Variants in DHRSX observed in about 807,000 individuals in gnomAD.
DHRSX encodes polyprenol dehydrogenase.
A neutral mutation model predicts 34.0 loss-of-function variants in DHRSX; 31 were observed. The ratio of observed to expected loss-of-function variants is 0.91; its 90% CI spans 0.69 to 1.23. The LOEUF (loss-of-function observed/expected upper bound fraction) is 1.23. Ranked by LOEUF, DHRSX falls within the 50% of genes most tolerant of loss-of-function variation. The probability of loss-of-function intolerance (pLI) is 0.00; values close to 1 mark genes in which losing one functional copy is unlikely to be tolerated. For missense variants in DHRSX, 414 were observed against 428.1 expected (o/e 0.97, Z 0.29); for synonymous variants, 201 against 183.8 (o/e 1.09, Z -0.76).
intron 3 of DHRSX, among the ~76,000 whole-genome samples, chrX:2,346,796 C>G (rs1221860437): frequency 4.6e-5 from 7 of 152,154 alleles, no homozygotes; most frequent in Non-Finnish European, 8.8e-5. Flanking sequence ...CTATCCCTCC[C>G]CCAGTCCCCT....
At chrX:2,239,768 C>CA (rs747846678) in intron 6 of DHRSX, among the ~76,000 whole-genome samples, 66 of 150,568 alleles carry the variant, frequency 4.4e-4, no homozygotes, top group African/African-American at 1.5e-3. Flanking sequence ...GACTCAGTCT[C>CA]AAAAAAAATA....
intron 5 of DHRSX, among the ~76,000 whole-genome samples, chrX:2,263,361 T>G (rs1187299600): frequency 2.6e-5 from 4 of 152,032 alleles, no homozygotes; most frequent in Non-Finnish European, 5.9e-5. Context: ...TTCCACTGCT[T>G]GATGACACAG....
At position 2,389,893 on chromosome X, in the gene DHRSX, G is replaced by A. The variant is rs1002935828; in HGVS notation, c.286+18852C>T. ...CCTCCGGGGATCAAGTGATTCTGCT[G>A]CCTCAGCCTCCCGAGGAGCTGGGAT... On this transcript the variant is annotated intron_variant, in intron 3 of 6. Coordinates refer to ENST00000334651, the MANE Select transcript of DHRSX (RefSeq NM_145177.3). 1.6e-4 allele frequency among the ~76,000 whole-genome samples: 24 copies of A among 152,256 alleles called. No homozygotes were observed. The South Asian group carries it at 2.9e-3, about 18-fold the overall frequency.
At chrX:2,407,625 T>C (rs765328250) in intron 3 of DHRSX, among the ~76,000 whole-genome samples, 1 of 152,164 alleles carries the variant, frequency 6.6e-6, no homozygotes, top group Non-Finnish European at 1.5e-5. Flanking sequence ...TTCGGGAGCA[T>C]TTGCAAAACC....
intron 1 of DHRSX, among the ~76,000 whole-genome samples, chrX:2,455,897 C>T (rs1282280380): frequency 2.6e-5 from 4 of 152,048 alleles, no homozygotes; most frequent in African/African-American, 4.8e-5. Flanking sequence ...ACGACACCAA[C>T]GTTGAGTGTC....
intron 3 of DHRSX, among the ~76,000 whole-genome samples, chrX:2,332,861 C>T (rs1452473670): frequency 6.6e-6 from 1 of 152,152 alleles, no homozygotes; most frequent in Non-Finnish European, 1.5e-5. Context: ...TCCTGGTCAT[C>T]GTTGTCTAAC....
At chrX:2,282,766 A>AAGAGGGAGAGAGGGAAGGAAGG (rs2041734007) in intron 4 of DHRSX, among the ~76,000 whole-genome samples, 2 of 89,384 alleles carry the variant, frequency 2.2e-5, no homozygotes, top group Non-Finnish European at 4.4e-5. Flanking sequence ...AGAGGGGAGA[A>AAGAGGGAGAGAGGGAAGGAAGG]AGCGAGGGAG....
At chrX:2,431,513 C>T (rs1334912884) in intron 1 of DHRSX, among the ~76,000 whole-genome samples, 2 of 152,046 alleles carry the variant, frequency 1.3e-5, no homozygotes, top group Non-Finnish European at 2.9e-5. Flanking sequence ...ATTGCTGGCT[C>T]AAATGTTAAT....
intron 3 of DHRSX, among the ~76,000 whole-genome samples, chrX:2,367,435 CAAAAAAA>C (rs758111982): frequency 1.3e-5 from 1 of 76,426 alleles, no homozygotes; most frequent in Admixed American, 1.6e-4. Flanking sequence ...AAGACTGTCT[CAAAAAAA>C]AAAAGAAAAA....
chrX:2,321,860 A>C (rs1228754740), intron 3 of DHRSX, among the ~76,000 whole-genome samples: 1 of 152,118 alleles, frequency 6.6e-6, no homozygotes, highest in African/African-American at 2.4e-5. Context: ...AGGCTACTCA[A>C]GGTGAAGACG....
intron 1 of DHRSX, among the ~76,000 whole-genome samples, chrX:2,465,387 C>T (rs1389499403): frequency 6.6e-6 from 1 of 152,124 alleles, no homozygotes; most frequent in African/African-American, 2.4e-5. Context: ...TCTCCCCATC[C>T]CTCCTCAATC....
intron 3 of DHRSX, among the ~76,000 whole-genome samples, chrX:2,320,964 G>C (rs763014493): frequency 1.3e-5 from 2 of 152,154 alleles, no homozygotes; most frequent in African/African-American, 4.8e-5. Context: ...CAGAGTGTTC[G>C]CAACATCCGG....
intron 3 of DHRSX, among the ~76,000 whole-genome samples, chrX:2,314,186 A>G (rs2124521476): frequency 1.1e-5 from 1 of 92,962 alleles, no homozygotes. Flanking sequence ...GGAAGGAAGG[A>G]GGGAAGGAGG....
intron 3 of DHRSX, among the ~76,000 whole-genome samples, chrX:2,331,317 A>C (rs1244132828): frequency 6.6e-6 from 1 of 151,940 alleles, no homozygotes; most frequent in Non-Finnish European, 1.5e-5. Flanking sequence ...GTCATTCATG[A>C]ATATTGGAAT....
At chrX:2,313,336 C>T (rs746106692) in intron 3 of DHRSX, among the ~76,000 whole-genome samples, 33 of 151,662 alleles carry the variant, frequency 2.2e-4, no homozygotes, top group East Asian at 3.9e-4. Flanking sequence ...GCCAAACCAA[C>T]GTATAGCTTC....
intron 5 of DHRSX, among the ~76,000 whole-genome samples, chrX:2,262,212 G>A (rs1374488156): frequency 6.6e-6 from 1 of 152,328 alleles, no homozygotes; most frequent in East Asian, 1.9e-4. Flanking sequence ...CGAGGCAGGA[G>A]GCCTACACAA....
chrX:2,396,511 G>A (rs1193271033), intron 3 of DHRSX, among the ~76,000 whole-genome samples: 7 of 150,726 alleles, frequency 4.6e-5, no homozygotes, highest in African/African-American at 1.5e-4. Context: ...CCGAGGAGCT[G>A]GGATGACAGG....
chrX:2,419,980 A>T lies in DHRSX; in HGVS notation c.217+5217T>A, dbSNP rs182480654. Among the ~76,000 whole-genome samples, 1,378 of 151,840 alleles carry T rather than the reference A, an allele frequency of 9.1e-3. 20 individuals are homozygous for T. The highest frequency in any genetic ancestry group is 0.03 in the African/African-American group (1,254 of 41,404). Reference sequence around the variant, plus strand: ...ACTTAAAGTATAATAATAAAATTTTAAAAAAAAAGTTTCTATGGTTTGCAA... The same window carrying T: ...ACTTAAAGTATAATAATAAAATTTTTAAAAAAAAGTTTCTATGGTTTGCAA... On this transcript the variant is annotated intron_variant, in intron 2 of 6. Coordinates refer to ENST00000334651, the MANE Select transcript of DHRSX (RefSeq NM_145177.3).
chrX:2,317,114 C>T (rs1272769895), intron 3 of DHRSX, among the ~76,000 whole-genome samples: 1 of 152,204 alleles, frequency 6.6e-6, no homozygotes, highest in East Asian at 1.9e-4. Context: ...CACGTCACCA[C>T]GCCCGGCTAA....
Sources: gnomAD v4.1 joint callset for allele counts (sites outside exome capture counted in the v4.1 genomes callset) on GRCh38, gnomAD v4.1.1 for gene constraint, MANE v1.5 for transcripts, NCBI Gene and HGNC (gene_info 2026-07-23, HGNC 2026-07-21) for gene names.